The following TMC1 variants were observed in gnomAD, a reference collection of about 807,000 sequenced individuals.
The protein encoded by TMC1 is transmembrane channel-like protein 1.
TMC1 carries 84 observed loss-of-function variants against 105.8 expected under a neutral mutation model. The observed-to-expected ratio is 0.79, with a 90% CI of 0.67 to 0.95. The LOEUF (loss-of-function observed/expected upper bound fraction) is 0.95. Among genes scored for constraint, TMC1 ranks in the 40% least tolerant of loss-of-function variants. The pLI is 0.00. For missense variants in TMC1, 817 were observed against 914.1 expected, an observed-to-expected ratio of 0.89 and a Z score of 1.37; for synonymous variants, 315 against 311.5, an observed-to-expected ratio of 1.01 and a Z score of -0.12.
At chr9:72,823,033 A>C (rs1828900382) in intron 20 of TMC1, among the ~76,000 whole-genome samples, 1 of 152,100 alleles carries the variant, frequency 6.6e-6, no homozygotes, top group Non-Finnish European at 1.5e-5. Context: ...AAAATTATTT[A>C]TTTGTTTTTT....
At chr9:72,694,851 C>A in intron 7 of TMC1, 137 bp downstream of exon 7, 1 of 753,914 alleles carries the variant, frequency 1.3e-6, no homozygotes, top group Non-Finnish European at 2.1e-6. Context: ...CTATTTTATT[C>A]TACTTAATTA....
chr9:72,744,982 T>G (rs1213101037), intron 10 of TMC1, among the ~76,000 whole-genome samples: 1 of 152,232 alleles, frequency 6.6e-6, no homozygotes, highest in Non-Finnish European at 1.5e-5. Context: ...TCTTCTCTTC[T>G]TCTAGTAAAT....
intron 2 of TMC1, among the ~76,000 whole-genome samples, chr9:72,585,340 C>T (rs1365501478): frequency 4.0e-5 from 6 of 151,412 alleles, no homozygotes; most frequent in East Asian, 4.0e-4. Flanking sequence ...TTAGTAGAGA[C>T]GGGGTTTCAG....
chr9:72,526,901 G>A (rs1587938241), intron 1 of TMC1, among the ~76,000 whole-genome samples: 1 of 152,210 alleles, frequency 6.6e-6, no homozygotes, highest in Non-Finnish European at 1.5e-5. Flanking sequence ...ATGCAGTGTG[G>A]TCCACCTGCA....
chr9:72,725,368 T>C (rs1429852101), intron 8 of TMC1, among the ~76,000 whole-genome samples: 1 of 77,766 alleles, frequency 1.3e-5, no homozygotes, highest in Non-Finnish European at 2.4e-5. Context: ...TATATATATA[T>C]GTATATACAC....
chr9:72,527,612 A>C (rs1823427327), intron 1 of TMC1, among the ~76,000 whole-genome samples: 1 of 152,152 alleles, frequency 6.6e-6, no homozygotes, highest in South Asian at 2.1e-4. Flanking sequence ...TGTGGTTGCC[A>C]GCGCTACTTT....
intron 5 of TMC1, among the ~76,000 whole-genome samples, chr9:72,682,892 C>A (rs1199106802): frequency 6.6e-6 from 1 of 152,180 alleles, no homozygotes; most frequent in East Asian, 1.9e-4. Flanking sequence ...AGGAAACTTA[C>A]AATCATGGCA....
At chr9:72,800,823 A>G (rs1187266819) in intron 17 of TMC1, among the ~76,000 whole-genome samples, 1 of 152,098 alleles carries the variant, frequency 6.6e-6, no homozygotes, top group African/African-American at 2.4e-5. Flanking sequence ...TTCTGACTGG[A>G]ATGTTGATTA....
chr9:72,765,366 G>A (rs1429484174), intron 12 of TMC1, among the ~76,000 whole-genome samples: 1 of 152,040 alleles, frequency 6.6e-6, no homozygotes, highest in African/African-American at 2.4e-5. Context: ...TGAGAGAAAG[G>A]AAGGGGCATT....
chr9:72,594,170 C>T (rs1054271040), intron 2 of TMC1, among the ~76,000 whole-genome samples: 3 of 152,172 alleles, frequency 2.0e-5, no homozygotes, highest in East Asian at 1.9e-4. Context: ...TTTACATGTA[C>T]GCGGAGACCC....
intron 5 of TMC1, among the ~76,000 whole-genome samples, chr9:72,660,781 G>A (rs569886243): frequency 5.9e-5 from 9 of 152,210 alleles, no homozygotes; most frequent in Admixed American, 5.2e-4. Context: ...TGGCTTCCCC[G>A]TATTACAATA....
At chr9:72,604,272 G>T (rs868479133) in intron 2 of TMC1, among the ~76,000 whole-genome samples, 3 of 151,874 alleles carry the variant, frequency 2.0e-5, no homozygotes, top group Non-Finnish European at 2.9e-5. Flanking sequence ...TGTTCATAAG[G>T]TCTTAAAAAT....
At chr9:72,669,508 A>G (rs187177660) in intron 5 of TMC1, among the ~76,000 whole-genome samples, 128 of 152,298 alleles carry the variant, frequency 8.4e-4, no homozygotes, top group African/African-American at 2.5e-3. Context: ...TTTTAATGAT[A>G]TTTTTGTATG....
intron 1 of TMC1, among the ~76,000 whole-genome samples, chr9:72,563,854 A>G (rs1035403468): frequency 1.4e-5 from 2 of 141,224 alleles, no homozygotes; most frequent in African/African-American, 5.4e-5. Flanking sequence ...GAACGAGATC[A>G]AGTTATTGCA....
intron 13 of TMC1, among the ~76,000 whole-genome samples, chr9:72,775,060 AG>A (rs1201825377): frequency 2.0e-5 from 3 of 152,226 alleles, no homozygotes; most frequent in Non-Finnish European, 4.4e-5. Flanking sequence ...GAAAATAAAA[AG>A]ATAGAAATCC....
intron 1 of TMC1, among the ~76,000 whole-genome samples, chr9:72,547,019 G>T (rs1030218530): frequency 6.6e-6 from 1 of 152,176 alleles, no homozygotes; most frequent in Non-Finnish European, 1.5e-5. Flanking sequence ...AGGCGCGATG[G>T]CTCATGCCCG....
At chr9:72,674,676 GATA>G (rs1826173925) in intron 5 of TMC1, among the ~76,000 whole-genome samples, 2 of 152,206 alleles carry the variant, frequency 1.3e-5, no homozygotes, top group South Asian at 4.1e-4. Context: ...CTCTCCAGGT[GATA>G]ATGATGTCCA....
At chr9:72,555,131 G>A (rs1367015185) in intron 1 of TMC1, among the ~76,000 whole-genome samples, 2 of 151,630 alleles carry the variant, frequency 1.3e-5, no homozygotes, top group Non-Finnish European at 2.9e-5. Context: ...CACCCGCCTC[G>A]GCCTCCCAAA....
At chr9:72,667,582 A>C (rs147648180) in intron 5 of TMC1, among the ~76,000 whole-genome samples, 48 of 152,328 alleles carry the variant, frequency 3.2e-4, no homozygotes, top group African/African-American at 1.1e-3. Context: ...ACAATTCACC[A>C]TTTTTAAATG....
Sources: gnomAD v4.1 joint callset for allele counts (sites outside exome capture counted in the v4.1 genomes callset) on GRCh38, gnomAD v4.1.1 for gene constraint, MANE v1.5 for transcripts, NCBI Gene and HGNC (gene_info 2026-07-23, HGNC 2026-07-21) for gene names.